Variants in SZT2 observed in about 807,000 individuals in gnomAD.
SZT2 encodes the protein KICSTOR complex protein SZT2.
SZT2 carries 216 observed loss-of-function variants against 404.2 expected under a neutral mutation model. That is an observed-to-expected ratio of 0.53 (90% CI 0.48 to 0.60). SZT2 has a LOEUF of 0.60. SZT2 is among the 20% of genes least tolerant of loss of function. The pLI is 0.00. For missense variants in SZT2, 3,857 were observed against 4,459.2 expected (o/e 0.86, Z 3.85); for synonymous variants, 1,693 against 1,749.9 (o/e 0.97, Z 0.81).
chr1:43,449,051 T>G, intron 70 of SZT2: 1 of 297,488 alleles, frequency 3.4e-6, no homozygotes, highest in African/African-American at 2.2e-5. Context: ...CCCTTGGACT[T>G]TGAAGCCTTG....
intron 62 of SZT2, among the ~76,000 whole-genome samples, chr1:43,444,981 C>T (rs1432835716): frequency 6.6e-6 from 1 of 152,128 alleles, no homozygotes; most frequent in Non-Finnish European, 1.5e-5. Flanking sequence ...CTCTTCCAGG[C>T]ATTAGGAAGA....
chr1:43,422,655 A>AC (rs1158044237), intron 13 of SZT2, 23 bp downstream of exon 13: 68 of 1,095,616 alleles, frequency 6.2e-5, no homozygotes, highest in Middle Eastern at 7.3e-4. Context: ...ATGTCCCTTC[A>AC]CCCCCCGCCC....
In SZT2 at chr1:43,426,322, G is replaced by A. The variant is rs535460266; in HGVS notation, c.3044-46G>A. On this transcript the variant is annotated intron_variant, in intron 21 of 71. Coordinates refer to ENST00000634258, the MANE Select transcript of SZT2 (RefSeq NM_001365999.1). This position sits in a 1 kb window ranked among gnomAD's most constrained non-coding sequence, Gnocchi z 4.9. ...TGGTCAGGGCTGAGCCGGGGGCACCGGGCAGCAGGAGGCTCTTGGTGCTGA... is the reference window on the plus strand; with the variant it reads ...TGGTCAGGGCTGAGCCGGGGGCACCAGGCAGCAGGAGGCTCTTGGTGCTGA... The A allele has an allele frequency of 7.0e-5, 106 of 1,511,106 alleles. No homozygotes were observed. Among genetic ancestry groups the A allele is most frequent in the Non-Finnish European group, 8.5e-5 (96 of 1,129,296 alleles). 93.6% of individuals were successfully genotyped at this position (1,511,106 alleles called of 1,614,324 possible).
Position 43,420,660 on chromosome 1 carries a change from A to G in SZT2, c.1262-89A>G, listed in dbSNP as rs891970344. 11 of 1,295,608 alleles carry G rather than the reference A, an allele frequency of 8.5e-6. No individual in the cohort carries two copies. Among genetic ancestry groups the G allele is most frequent in the African/African-American group, 7.3e-5 (5 of 68,666 alleles). 80.3% of individuals were successfully genotyped at this position (1,295,608 alleles called of 1,614,324 possible). A position where few individuals can be genotyped will look rare whatever the true frequency, so the allele number is the denominator to read the frequency against. On this transcript the variant is annotated intron_variant, in intron 9 of 71. Coordinates refer to ENST00000634258, the MANE Select transcript of SZT2 (RefSeq NM_001365999.1). The surrounding 1 kb of genome is among the most constrained non-coding windows in gnomAD (Gnocchi z 5.1). ...GGAACCTTTGGCAGGACTGGGTTCC[A>G]TGAGGTAGGTGGGGGTTTCAGATAG... is the stretch of plus-strand genomic sequence containing the variant.
chr1:43,390,985 T>C (rs1446914123), intron 1 of SZT2, among the ~76,000 whole-genome samples: 1 of 152,198 alleles, frequency 6.6e-6, no homozygotes, highest in East Asian at 1.9e-4. Context: ...TATCATCTCC[T>C]TTTTTTAGTT....
intron 4 of SZT2, among the ~76,000 whole-genome samples, chr1:43,414,826 G>T (rs1450638348): frequency 6.6e-6 from 1 of 152,202 alleles, no homozygotes; most frequent in Admixed American, 6.5e-5. Context: ...GGGGGGTTGG[G>T]GAAGCCCAGT....
chr1:43,443,663 G>T lies in SZT2; in HGVS notation c.8692G>T (p.Val2898Leu). The T allele has an allele frequency of 6.2e-7, 1 of 1,614,246 alleles. No homozygotes were observed. Among genetic ancestry groups the T allele is most frequent in the Non-Finnish European group, 8.5e-7 (1 of 1,180,050 alleles). Residue 2898 changes from valine to leucine, a missense_variant, in exon 62 of 72, where the codon GTG (valine) becomes TTG (leucine). Physicochemically the swap from Val to Leu is conservative, Grantham distance 32. Transcript: ENST00000634258. ...EAPTSCESLD[V>L]SPPGAREEPW... is the part of the protein sequence containing the mutation. ...CCCCACAAGCTGTGAATCCTTGGAT[G>T]TGTCGCCCCCGGGAGCCCGTGAGGA...
Position 43,431,385 on chromosome 1 carries a change from C to A in SZT2, c.5024+13C>A, listed in dbSNP as rs762560214. 3 of 1,612,216 alleles carry A rather than the reference C, an allele frequency of 1.9e-6. No individual in the cohort carries two copies. The highest frequency in any genetic ancestry group is 2.5e-6 in the Non-Finnish European group (3 of 1,178,290). On this transcript the variant is annotated intron_variant, in intron 34 of 71. Transcript: ENST00000634258. ...CAGAAGAGGAGAGGTACTTCTTTAT[C>A]TCCCTGTCAGAGTTCATTACTGCTT...
chr1:43,396,304 T>G (rs1053252558), intron 1 of SZT2, among the ~76,000 whole-genome samples: 1 of 152,212 alleles, frequency 6.6e-6, no homozygotes, highest in Non-Finnish European at 1.5e-5. Flanking sequence ...AAGTAAAGAC[T>G]CAGGGCTGTC....
In SZT2 at chr1:43,429,956, A is replaced by C; in HGVS notation, c.4309-55A>C. ...TGTGTCCTGCTCTAGGGTAGGGAGT[A>C]GTATCCTGTTGAGGGGTGACTGACA... On this transcript the variant is annotated intron_variant, in intron 29 of 71. Coordinates refer to ENST00000634258, the MANE Select transcript of SZT2 (RefSeq NM_001365999.1). 3.1e-6 allele frequency: 5 copies of C among 1,612,542 alleles called. No homozygotes were observed. In the South Asian group the frequency reaches 5.5e-5, roughly 18 times the overall value.
At chr1:43,414,399 CCTT>C (rs931822601) in intron 4 of SZT2, among the ~76,000 whole-genome samples, 1 of 152,084 alleles carries the variant, frequency 6.6e-6, no homozygotes, top group Non-Finnish European at 1.5e-5. Flanking sequence ...AATATATACA[CCTT>C]CTATGTACCC....
intron 1 of SZT2, among the ~76,000 whole-genome samples, chr1:43,399,430 G>C (rs1049308408): frequency 6.6e-6 from 1 of 151,740 alleles, no homozygotes; most frequent in Non-Finnish European, 1.5e-5. Flanking sequence ...TCTGCGGTGG[G>C]AGGGTGCTTT....
intron 32 of SZT2, 36 bp from the exon 33 acceptor site, chr1:43,430,913 A>C (rs1286097196): frequency 1.2e-6 from 2 of 1,600,146 alleles, no homozygotes; most frequent in Non-Finnish European, 1.7e-6. Context: ...CTTGTCTTAG[A>C]GCCCTCAGCA....
Position 43,427,375 on chromosome 1 carries a change from A to T in SZT2, c.3528A>T (p.Lys1176Asn). ...FGDWSGAPSLKDLGGTGIKAT... is the reference protein window; with the variant it reads ...FGDWSGAPSLNDLGGTGIKAT... Reference sequence around the variant, plus strand: ...ATTGGAGTGGGGCTCCCAGTCTGAAAGATCTAGGAGGAACTGGGATCAAAG... The same window carrying T: ...ATTGGAGTGGGGCTCCCAGTCTGAATGATCTAGGAGGAACTGGGATCAAAG... Residue 1176 changes from lysine to asparagine, a missense_variant, in exon 25 of 72, where the codon AAA becomes AAT. Lys to Asn is a moderately conservative substitution (Grantham distance 94). Around this residue, in one of 7 missense-constraint regions of SZT2, gnomAD observed 1,725 missense variants for 1,881.0 expected, o/e 0.92. Coordinates refer to ENST00000634258, the MANE Select transcript of SZT2 (RefSeq NM_001365999.1). 1.2e-6 allele frequency: 2 copies of T among 1,614,064 alleles called. No homozygotes were observed. Among genetic ancestry groups the T allele is most frequent in the Non-Finnish European group, 1.7e-6 (2 of 1,179,990 alleles).
chr1:43,420,643 T>C lies in SZT2; in HGVS notation c.1262-106T>C, dbSNP rs1652238807. 23 of 1,122,526 alleles carry C rather than the reference T, an allele frequency of 2.0e-5. No individual in the cohort carries two copies. Among genetic ancestry groups the C allele is most frequent in the Non-Finnish European group, 2.9e-5 (23 of 793,374 alleles). The allele number at this position is 1,122,526 out of a possible 1,614,324, so 69.5% of individuals were successfully genotyped here. A position where few individuals can be genotyped will look rare whatever the true frequency, so the allele number is the denominator to read the frequency against. ...CCTGTGGAACCATGCTTGGAACCTT[T>C]GGCAGGACTGGGTTCCATGAGGTAG... is the stretch of plus-strand genomic sequence containing the variant. On this transcript the variant is annotated intron_variant, in intron 9 of 71. Transcript: ENST00000634258. This position sits in a 1 kb window ranked among gnomAD's most constrained non-coding sequence, Gnocchi z 5.1.
intron 70 of SZT2, chr1:43,449,670 GTAACTGAAGCC>G: frequency 3.8e-6 from 1 of 262,560 alleles, no homozygotes; most frequent in Non-Finnish European, 7.6e-6. Flanking sequence ...TGAACAGGCG[GTAACTGAAGCC>G]TTGGGAGAGC....
Position 43,453,834 on chromosome 1 carries a change from A to AGGCGGCGGGCGGCGGGCGGCGGGCGGCG in SZT2, c.*3360_*3387dup, listed in dbSNP as rs534101178. The AGGCGGCGGGCGGCGGGCGGCGGGCGGCG allele has an allele frequency of 8.2e-5, 98 of 1,194,188 alleles. No homozygotes were observed. In the African/African-American group the frequency reaches 1.5e-3, roughly 18 times the overall value. The allele number at this position is 1,194,188 out of a possible 1,614,324, so 74.0% of individuals were successfully genotyped here. On this transcript the variant is annotated 3_prime_UTR_variant, in exon 72 of 72. Coordinates refer to ENST00000634258, the MANE Select transcript of SZT2 (RefSeq NM_001365999.1). The stretch of plus-strand genomic sequence containing the variant: ...GCCGGGCGGAGTCCGCGGGATCCAA[A>AGGCGGCGGGCGGCGGGCGGCGGGCGGCG]GGCGGCGGGCGGCGGGCGGCGGGCG...
chr1:43,443,833 C>T (rs759819322), intron 62 of SZT2, 37 bp downstream of exon 62: 1 of 1,610,698 alleles, frequency 6.2e-7, no homozygotes, highest in African/African-American at 1.3e-5. Context: ...GTCTTCTCCT[C>T]CTGCACTGCA....
chr1:43,396,718 T>G (rs1649038934), intron 1 of SZT2, among the ~76,000 whole-genome samples: 1 of 152,224 alleles, frequency 6.6e-6, no homozygotes, highest in African/African-American at 2.4e-5. Flanking sequence ...CACAACACTT[T>G]CTTTCTGTAA....
Sources: allele counts gnomAD v4.1 joint callset (sites outside exome capture counted in the v4.1 genomes callset), GRCh38; gene constraint gnomAD v4.1.1; regional missense constraint gnomAD v4.1.1; non-coding constraint Gnocchi (gnomAD v3.1); transcripts MANE v1.5; gene names NCBI Gene and HGNC (gene_info 2026-07-23, HGNC 2026-07-21).